The following FOXP1 variants were observed in gnomAD, a reference collection of about 807,000 sequenced individuals.
FOXP1 encodes forkhead box P1, also known as forkhead box protein P1.
In FOXP1, 15 loss-of-function variants were observed where a neutral mutation model predicts 98.2. The observed-to-expected ratio is 0.15, with a 90% confidence interval of 0.10 to 0.24. FOXP1 has a LOEUF of 0.24. Ranked by LOEUF, FOXP1 falls within the 10% of genes least tolerant of loss-of-function variation. The pLI is 1.00. For missense variants in FOXP1, 633 were observed against 848.5 expected (o/e 0.75, Z 3.15); for synonymous variants, 371 against 314.5 (o/e 1.18, Z -1.90).
At chr3:71,002,162 T>C (rs1387515663) in intron 12 of FOXP1, among the ~76,000 whole-genome samples, 1 of 152,228 alleles carries the variant, frequency 6.6e-6, no homozygotes, top group Non-Finnish European at 1.5e-5. Context: ...TCACCTCTGG[T>C]ACTTGACTAG....
chr3:71,279,415 C>T (rs2071274451), intron 5 of FOXP1, among the ~76,000 whole-genome samples: 2 of 152,104 alleles, frequency 1.3e-5, no homozygotes, highest in African/African-American at 4.8e-5. Context: ...TTTTCCCTGT[C>T]ATGCATGGGG....
intron 7 of FOXP1, among the ~76,000 whole-genome samples, chr3:71,111,490 C>T (rs767905760): frequency 1.1e-3 from 162 of 152,146 alleles, no homozygotes; most frequent in African/African-American, 3.6e-3. Flanking sequence ...CTCCACCTCC[C>T]GGGTTCAAGC....
Position 71,112,648 on chromosome 3 carries a change from A to G in FOXP1, c.181-11T>C. On this transcript the variant is annotated splice_polypyrimidine_tract_variant and intron_variant, in intron 6 of 20. Coordinates refer to ENST00000649528, the MANE Select transcript of FOXP1 (RefSeq NM_001349338.3). ...TGCCACCTGAAGTGCCTGGAAGGAA[A>G]AACAAGAAAATCCTTTGCGTTACTA... is the stretch of plus-strand genomic sequence containing the variant. The G allele has an allele frequency of 6.2e-7, 1 of 1,606,446 alleles. No homozygotes were observed. The highest frequency in any genetic ancestry group is 8.5e-7 in the Non-Finnish European group (1 of 1,172,996).
At chr3:71,027,786 A>G (rs1369092851) in intron 11 of FOXP1, among the ~76,000 whole-genome samples, 1 of 152,188 alleles carries the variant, frequency 6.6e-6, no homozygotes, top group African/African-American at 2.4e-5. Context: ...AACATAAGGA[A>G]TATATATTAG....
At chr3:71,521,021 C>T (rs1016795106) in intron 2 of FOXP1, among the ~76,000 whole-genome samples, 1 of 152,076 alleles carries the variant, frequency 6.6e-6, no homozygotes, top group Non-Finnish European at 1.5e-5. Context: ...CTACCAGGTG[C>T]CAAGACCATG....
At chr3:71,302,996 CTTAAT>C (rs999908024) in intron 4 of FOXP1, 3 of 152,062 alleles carry the variant, frequency 2.0e-5, no homozygotes, top group Non-Finnish European at 2.9e-5. Context: ...ATATTTTGCC[CTTAAT>C]TTAATCTGTG....
intron 3 of FOXP1, among the ~76,000 whole-genome samples, chr3:71,377,821 G>C (rs1001744004): frequency 6.6e-6 from 1 of 152,132 alleles, no homozygotes; most frequent in Non-Finnish European, 1.5e-5. Context: ...ATTAATAATT[G>C]TTACCCTATG....
chr3:71,422,856 A>T lies in FOXP1; in HGVS notation c.-167-63612T>A, dbSNP rs554920019. Reference sequence around the variant, plus strand: ...AGTTACCTACCATTTCTGGGTACACACACACACAAGCGCGCACACACACAC... The same window carrying T: ...AGTTACCTACCATTTCTGGGTACACTCACACACAAGCGCGCACACACACAC... On this transcript the variant is annotated intron_variant, in intron 3 of 20. Coordinates refer to ENST00000649528, the MANE Select transcript of FOXP1 (RefSeq NM_001349338.3). 1.2e-4 allele frequency among the ~76,000 whole-genome samples: 18 copies of T among 152,210 alleles called. No homozygotes were observed. The East Asian group carries it at 3.1e-3, about 26-fold the overall frequency.
rs1398732675 is a variant in FOXP1 at position 71,397,075 on chromosome 3, C to CACAT, written c.-167-37832_-167-37831insATGT. On this transcript the variant is annotated intron_variant, in intron 3 of 20. Coordinates refer to ENST00000649528, the MANE Select transcript of FOXP1 (RefSeq NM_001349338.3). ...ACATATATATGTGTATATATATATA[C>CACAT]ATATATATGTGTATATATATATATA... Among the ~76,000 whole-genome samples, 67 of 38,454 alleles carry CACAT rather than the reference C, an allele frequency of 1.7e-3. 6 individuals carry two copies. Among genetic ancestry groups the CACAT allele is most frequent in the South Asian group, 2.3e-3 (3 of 1,300 alleles). 25.2% of individuals were successfully genotyped at this position (38,454 alleles called of 152,430 possible). A position where few individuals can be genotyped will look rare whatever the true frequency, so the allele number is the denominator to read the frequency against.
At chr3:71,168,105 C>T (rs867712117) in intron 6 of FOXP1, among the ~76,000 whole-genome samples, 1 of 152,014 alleles carries the variant, frequency 6.6e-6, no homozygotes, top group Non-Finnish European at 1.5e-5. Flanking sequence ...CAAGAGTACC[C>T]CAGGCTAATC....
intron 5 of FOXP1, among the ~76,000 whole-genome samples, chr3:71,258,341 A>G (rs1432009430): frequency 6.6e-6 from 1 of 152,202 alleles, no homozygotes; most frequent in Non-Finnish European, 1.5e-5. Context: ...AAAAAGACAG[A>G]GGATTGGCAT....
At position 71,435,941 on chromosome 3, in the gene FOXP1, A is replaced by G. The variant is rs112290594; in HGVS notation, c.-168+57485T>C. 5.0e-3 allele frequency among the ~76,000 whole-genome samples: 279 copies of G among 55,710 alleles called. 3 individuals are homozygous for G. Among genetic ancestry groups the G allele is most frequent in the African/African-American group, 0.015 (265 of 17,240 alleles). 36.5% of individuals were successfully genotyped at this position (55,710 alleles called of 152,430 possible). ...GGAGGAAGGGACGGAGGGAGGGAGGAAGGGACGGAGGGAGGGAGGGAGGAA... is the reference window on the plus strand; with the variant it reads ...GGAGGAAGGGACGGAGGGAGGGAGGGAGGGACGGAGGGAGGGAGGGAGGAA... On this transcript the variant is annotated intron_variant, in intron 3 of 20. Coordinates refer to ENST00000649528, the MANE Select transcript of FOXP1 (RefSeq NM_001349338.3).
chr3:71,323,055 C>G lies in FOXP1; in HGVS notation c.-72-23175G>C, dbSNP rs149950434. Among the ~76,000 whole-genome samples, 1,442 of 151,542 alleles carry G rather than the reference C, an allele frequency of 9.5e-3. 25 individuals are homozygous for G. Among genetic ancestry groups the G allele is most frequent in the African/African-American group, 0.033 (1,375 of 41,248 alleles). ...GCGTTATCTTGGCTCATTGCAACCT[C>G]CACCTCCCAAGTTCAAGCAATTCTC... On this transcript the variant is annotated intron_variant, in intron 4 of 20. Transcript: ENST00000649528.
At chr3:71,568,148 C>T (rs917450484) in intron 2 of FOXP1, among the ~76,000 whole-genome samples, 5 of 151,976 alleles carry the variant, frequency 3.3e-5, no homozygotes, top group South Asian at 2.1e-4. Context: ...GAGCAGGATT[C>T]GCCTCCCTCA....
chr3:71,238,756 T>G (rs1475442388), intron 5 of FOXP1, among the ~76,000 whole-genome samples: 1 of 152,174 alleles, frequency 6.6e-6, no homozygotes, highest in Non-Finnish European at 1.5e-5. Flanking sequence ...TGAGGTGGCT[T>G]CCCATCTAGG....
chr3:71,524,140 C>T (rs2043191910), intron 2 of FOXP1, among the ~76,000 whole-genome samples: 2 of 152,102 alleles, frequency 1.3e-5, no homozygotes, highest in South Asian at 4.2e-4. Flanking sequence ...TGAATGGCCC[C>T]AACAAATGTT....
intron 3 of FOXP1, among the ~76,000 whole-genome samples, chr3:71,454,268 C>A (rs562460824): frequency 6.6e-6 from 1 of 152,288 alleles, no homozygotes; most frequent in African/African-American, 2.4e-5. Context: ...GTGATCAGAG[C>A]TAGGGTCGCC....
intron 2 of FOXP1, among the ~76,000 whole-genome samples, chr3:71,531,381 G>C (rs1333022322): frequency 6.6e-6 from 1 of 152,180 alleles, no homozygotes; most frequent in East Asian, 1.9e-4. Flanking sequence ...TCCAGTTACA[G>C]CTGTAAACTA....
intron 6 of FOXP1, among the ~76,000 whole-genome samples, chr3:71,151,946 G>C (rs2108071125): frequency 6.6e-6 from 1 of 152,252 alleles, no homozygotes; most frequent in Non-Finnish European, 1.5e-5. Flanking sequence ...TTGAGTATGG[G>C]CAGGATCCAT....
Sources: gnomAD v4.1 joint callset for allele counts (sites outside exome capture counted in the v4.1 genomes callset) on GRCh38, gnomAD v4.1.1 for gene constraint, MANE v1.5 for transcripts, NCBI Gene and HGNC (gene_info 2026-07-23, HGNC 2026-07-21) for gene names.